The following RNLS variants were observed in gnomAD, a reference collection of about 807,000 sequenced individuals.
The protein encoded by RNLS is renalase.
Under a neutral mutation model 39.8 loss-of-function variants are expected in RNLS, and 39 were observed. The ratio of observed to expected loss-of-function variants is 0.98; its 90% confidence interval spans 0.76 to 1.28. The LOEUF is 1.28. Among genes scored for constraint, RNLS ranks in the 50% most tolerant of loss-of-function variants. RNLS has a pLI of 0.00. For missense variants in RNLS, 410 were observed against 413.3 expected (o/e 0.99, Z 0.07); for synonymous variants, 147 against 150.7 (o/e 0.98, Z 0.18).
chr10:88,545,588 C>T (rs1848262007), intron 4 of RNLS: 7 of 405,528 alleles, frequency 1.7e-5, no homozygotes, highest in Non-Finnish European at 3.5e-5. Flanking sequence ...CCCACTGGGT[C>T]CCTCCCATGA....
chr10:88,217,738 G>GA, the RNLS span, among the ~76,000 whole-genome samples: 12,596 of 97,614 alleles, frequency 0.13, 1,198 homozygotes, highest in Middle Eastern at 0.24. Flanking sequence ...GCCTTCAAAT[G>GA]AAAAAAAAAA....
At chr10:88,275,468 G>A (rs1261064008) in intron 6 of RNLS, among the ~76,000 whole-genome samples, 1 of 152,076 alleles carries the variant, frequency 6.6e-6, no homozygotes, top group East Asian at 1.9e-4. Context: ...CATATTTATT[G>A]CAACAATGTT....
chr10:88,342,922 A>G (rs1848055721), intron 5 of RNLS, among the ~76,000 whole-genome samples: 1 of 152,214 alleles, frequency 6.6e-6, no homozygotes, highest in South Asian at 2.1e-4. Context: ...TTATTAGAAC[A>G]CAGCCACGCC....
intron 4 of RNLS, among the ~76,000 whole-genome samples, chr10:88,365,516 AACACAC>A (rs61386966): frequency 0.17 from 25,211 of 145,762 alleles, 2,259 homozygotes; most frequent in Non-Finnish European, 0.2. Flanking sequence ...AGGATTATAT[AACACAC>A]ACACACACAC....
At chr10:88,564,618 T>C (rs1720894028) in intron 4 of RNLS, among the ~76,000 whole-genome samples, 1 of 152,176 alleles carries the variant, frequency 6.6e-6, no homozygotes, top group African/African-American at 2.4e-5. Flanking sequence ...TGGAGTCATT[T>C]TACTGAGGTT....
the RNLS span, among the ~76,000 whole-genome samples, chr10:88,261,098 GA>G: frequency 6.6e-6 from 1 of 152,216 alleles, no homozygotes; most frequent in Non-Finnish European, 1.5e-5. Flanking sequence ...ATAATGGCTG[GA>G]AACAGGAAAG....
the RNLS span, among the ~76,000 whole-genome samples, chr10:88,173,934 T>C: frequency 6.6e-6 from 1 of 152,118 alleles, no homozygotes; most frequent in Non-Finnish European, 1.5e-5. Context: ...TGAATTTCAG[T>C]GTTATGTAGT....
the RNLS span, among the ~76,000 whole-genome samples, chr10:88,253,267 G>T: frequency 6.6e-6 from 1 of 152,282 alleles, no homozygotes; most frequent in Non-Finnish European, 1.5e-5. Flanking sequence ...TGCTCACAAA[G>T]TTGCTTCATA....
At chr10:88,318,428 C>CTGT (rs1845929233) in intron 5 of RNLS, among the ~76,000 whole-genome samples, 1 of 152,224 alleles carries the variant, frequency 6.6e-6, no homozygotes, top group South Asian at 2.1e-4. Context: ...CCTTTAGCCA[C>CTGT]TGTTGAGGAT....
chr10:88,524,974 T>C (rs1239675496), intron 4 of RNLS, among the ~76,000 whole-genome samples: 1,871 of 129,048 alleles, frequency 0.014, 105 homozygotes, highest in African/African-American at 0.033. Context: ...TATATATATA[T>C]ATATATATAT....
chr10:88,455,938 C>T (rs1268781912), intron 4 of RNLS, among the ~76,000 whole-genome samples: 1 of 152,124 alleles, frequency 6.6e-6, no homozygotes, highest in Non-Finnish European at 1.5e-5. Flanking sequence ...AAAAGCCTCC[C>T]AAGAGGACTT....
intron 4 of RNLS, among the ~76,000 whole-genome samples, chr10:88,412,305 A>G (rs1296087963): frequency 2.0e-5 from 3 of 152,072 alleles, no homozygotes; most frequent in Admixed American, 2.0e-4. Flanking sequence ...TTAACTTCAT[A>G]AAATCCTTAA....
the RNLS span, among the ~76,000 whole-genome samples, chr10:88,204,671 A>ATGAAAGT: frequency 6.6e-6 from 1 of 152,186 alleles, no homozygotes; most frequent in African/African-American, 2.4e-5. Flanking sequence ...CTCCCCGTAC[A>ATGAAAGT]TGAAAGTTGA....
chr10:88,379,985 G>A (rs1217822044), intron 4 of RNLS, among the ~76,000 whole-genome samples: 1 of 152,070 alleles, frequency 6.6e-6, no homozygotes, highest in African/African-American at 2.4e-5. Flanking sequence ...AGACACCAAG[G>A]CACAGAGACA....
chr10:88,454,097 C>T (rs1399427009), intron 4 of RNLS, among the ~76,000 whole-genome samples: 1 of 151,930 alleles, frequency 6.6e-6, no homozygotes, highest in African/African-American at 2.4e-5. Context: ...ATCACAGAAC[C>T]CTGAGAAATA....
chr10:88,564,369 G>A (rs1225012362), intron 4 of RNLS, among the ~76,000 whole-genome samples: 1 of 151,590 alleles, frequency 6.6e-6, no homozygotes, highest in Non-Finnish European at 1.5e-5. Context: ...ACATGAGAAA[G>A]TAAAGCATCT....
At chr10:88,446,216 T>C (rs1842026002) in intron 4 of RNLS, among the ~76,000 whole-genome samples, 1 of 152,180 alleles carries the variant, frequency 6.6e-6, no homozygotes. Flanking sequence ...GAATGACTAC[T>C]GGCTACATAA....
chr10:88,440,020 C>G (rs1841623016), intron 4 of RNLS, among the ~76,000 whole-genome samples: 1 of 152,130 alleles, frequency 6.6e-6, no homozygotes. Context: ...GCATATCTGT[C>G]ACTCCCACTA....
intron 5 of RNLS, among the ~76,000 whole-genome samples, chr10:88,348,660 ATTGAACTT>A (rs1441803552): frequency 2.6e-5 from 4 of 152,162 alleles, no homozygotes; most frequent in Non-Finnish European, 5.9e-5. Flanking sequence ...ATATGCATCT[ATTGAACTT>A]TTTTGGCATC....
Sources: gnomAD v4.1 joint callset for allele counts (sites outside exome capture counted in the v4.1 genomes callset) on GRCh38, gnomAD v4.1.1 for gene constraint, MANE v1.5 for transcripts, NCBI Gene and HGNC (gene_info 2026-07-23, HGNC 2026-07-21) for gene names.